NCALD: variants seen among roughly 807,000 people sequenced by gnomAD.
NCALD encodes neurocalcin-delta.
Under a neutral mutation model 18.6 loss-of-function variants are expected in NCALD, and 10 were observed. The observed-to-expected ratio is 0.54, with a 90% CI of 0.33 to 0.91. NCALD has a LOEUF of 0.91. NCALD is among the 40% of genes least tolerant of loss of function. NCALD has a pLI of 0.03. For synonymous variants in NCALD, 88 were observed against 87.4 expected (o/e 1.01, Z -0.04); for missense variants, 184 against 247.6 (o/e 0.74, Z 1.72).
At chr8:101,778,390 A>G (rs1811880223) in intron 1 of NCALD, among the ~76,000 whole-genome samples, 1 of 152,236 alleles carries the variant, frequency 6.6e-6, no homozygotes, top group African/African-American at 2.4e-5. Context: ...TTGAAGGAAA[A>G]CATAGAACAT....
intron 4 of NCALD, among the ~76,000 whole-genome samples, chr8:101,827,117 GGTAGAA>G (rs1440231961): frequency 1.3e-5 from 2 of 152,262 alleles, no homozygotes; most frequent in Non-Finnish European, 1.5e-5. Flanking sequence ...AAAACTCCAG[GGTAGAA>G]GCCCTTCCTT....
intron 1 of NCALD, among the ~76,000 whole-genome samples, chr8:102,102,398 T>G (rs962402612): frequency 2.1e-4 from 32 of 152,238 alleles, no homozygotes; most frequent in African/African-American, 7.5e-4. Flanking sequence ...GGAAACATTT[T>G]GTGCCCTAAT....
At chr8:101,723,409 T>A (rs1016091504) in intron 1 of NCALD, among the ~76,000 whole-genome samples, 10 of 152,194 alleles carry the variant, frequency 6.6e-5, no homozygotes, top group Non-Finnish European at 4.4e-5. Flanking sequence ...AATTACCAAG[T>A]GTATATATAC....
At chr8:102,104,361 TA>T (rs1301724995) in intron 1 of NCALD, among the ~76,000 whole-genome samples, 4 of 152,142 alleles carry the variant, frequency 2.6e-5, no homozygotes, top group African/African-American at 9.7e-5. Context: ...AGGGGGCACC[TA>T]GCAAGAGCCC....
chr8:101,692,511 T>C (rs1210440971), intron 3 of NCALD: 1 of 985,470 alleles, frequency 1.0e-6, no homozygotes, highest in Non-Finnish European at 1.2e-6. Context: ...CAATGGTTTC[T>C]TGGTTCCTTT....
intron 1 of NCALD, among the ~76,000 whole-genome samples, chr8:102,033,296 T>C (rs1822747130): frequency 6.6e-6 from 1 of 152,186 alleles, no homozygotes; most frequent in African/African-American, 2.4e-5. Flanking sequence ...CAATTGTCAC[T>C]AACTGAGAGA....
intron 1 of NCALD, among the ~76,000 whole-genome samples, chr8:101,759,850 A>C (rs1811040366): frequency 6.6e-6 from 1 of 152,182 alleles, no homozygotes; most frequent in Non-Finnish European, 1.5e-5. Context: ...TATCATCAGT[A>C]AGGGCACATG....
Position 101,769,301 on chromosome 8 carries a change from A to G in NCALD, c.-20+21561T>C, listed in dbSNP as rs1811482972. Among the ~76,000 whole-genome samples, 3 of 152,222 alleles carry G rather than the reference A, an allele frequency of 2.0e-5. No homozygotes were observed. The South Asian group carries it at 6.2e-4, about 32-fold the overall frequency. On this transcript the variant is annotated intron_variant, in intron 1 of 3. Transcript: ENST00000220931. ...CTATAACCATAGTGTCCAGTATTAA[A>G]CTTGACGTTCTATGCTCAATTTATT... is the stretch of plus-strand genomic sequence containing the variant.
intron 1 of NCALD, among the ~76,000 whole-genome samples, chr8:102,072,910 A>T (rs1373922830): frequency 6.6e-6 from 1 of 152,174 alleles, no homozygotes; most frequent in Non-Finnish European, 1.5e-5. Context: ...CTTTCTGGAG[A>T]ACAACTTATC....
chr8:101,805,195 G>A (rs937533683), intron 4 of NCALD, among the ~76,000 whole-genome samples: 1 of 152,176 alleles, frequency 6.6e-6, no homozygotes, highest in African/African-American at 2.4e-5. Flanking sequence ...AGAACACTGA[G>A]GATCTGGAGC....
chr8:101,710,764 T>G (rs148171801), intron 2 of NCALD, among the ~76,000 whole-genome samples: 3,940 of 152,300 alleles, frequency 0.026, 135 homozygotes, highest in African/African-American at 0.078. Context: ...AGCAGCCCCA[T>G]TCAGGGGCTT....
chr8:101,898,051 A>C (rs1817274430), intron 3 of NCALD, among the ~76,000 whole-genome samples: 1 of 152,226 alleles, frequency 6.6e-6, no homozygotes, highest in African/African-American at 2.4e-5. Flanking sequence ...CATGTGAAGA[A>C]GGACATGTTT....
intron 4 of NCALD, among the ~76,000 whole-genome samples, chr8:101,883,658 A>G (rs1816570519): frequency 6.6e-6 from 1 of 152,230 alleles, no homozygotes; most frequent in African/African-American, 2.4e-5. Flanking sequence ...CTTCTAGAGT[A>G]TATGCTGTTA....
intron 4 of NCALD, among the ~76,000 whole-genome samples, chr8:101,844,646 C>T (rs947840356): frequency 2.0e-5 from 3 of 152,158 alleles, no homozygotes; most frequent in African/African-American, 7.2e-5. Context: ...CAGGTGTGAG[C>T]CACTGCACCT....
chr8:101,793,086 C>T (rs567118900), upstream of NCALD, among the ~76,000 whole-genome samples: 1 of 152,234 alleles, frequency 6.6e-6, no homozygotes, highest in African/African-American at 2.4e-5. Flanking sequence ...CATGGTGGCT[C>T]ACGCCTGTAA....
chr8:101,731,434 T>G (rs1816826618), intron 1 of NCALD, among the ~76,000 whole-genome samples: 1 of 152,164 alleles, frequency 6.6e-6, no homozygotes, highest in Non-Finnish European at 1.5e-5. Flanking sequence ...CTAAAGCCGT[T>G]ATAACCCAAC....
At chr8:102,035,058 T>C (rs906766388) in intron 1 of NCALD, among the ~76,000 whole-genome samples, 7 of 152,220 alleles carry the variant, frequency 4.6e-5, no homozygotes, top group African/African-American at 1.7e-4. Context: ...AGTACGCACA[T>C]GGTTTTTAAA....
At chr8:102,019,978 A>T (rs1327834734) in intron 2 of NCALD, among the ~76,000 whole-genome samples, 1 of 152,194 alleles carries the variant, frequency 6.6e-6, no homozygotes, top group Non-Finnish European at 1.5e-5. Flanking sequence ...TAATTAATTT[A>T]ATACAATTTG....
intron 2 of NCALD, among the ~76,000 whole-genome samples, chr8:101,710,729 G>A (rs1256463151): frequency 1.3e-5 from 2 of 152,220 alleles, no homozygotes; most frequent in Non-Finnish European, 2.9e-5. Context: ...TTCCTCTCTG[G>A]GCAGGGCATC....
Sources: allele counts gnomAD v4.1 joint callset (sites outside exome capture counted in the v4.1 genomes callset), GRCh38; gene constraint gnomAD v4.1.1; transcripts MANE v1.5; gene names NCBI Gene and HGNC (gene_info 2026-07-23, HGNC 2026-07-21).